HOMER1: variants seen among roughly 807,000 people sequenced by gnomAD.
The protein encoded by HOMER1 is homer scaffold protein 1.
A neutral mutation model predicts 48.9 loss-of-function variants in HOMER1; 3 were observed. That is an observed-to-expected ratio of 0.06 (90% CI 0.03 to 0.16). The LOEUF (loss-of-function observed/expected upper bound fraction) is 0.16, where lower values mean the gene tolerates loss of function less well. HOMER1 is among the 10% of genes least tolerant of loss of function. The pLI, the probability that HOMER1 is intolerant of heterozygous loss-of-function variation, is 1.00. For synonymous variants in HOMER1, 134 were observed against 146.4 expected, an observed-to-expected ratio of 0.92 and a Z score of 0.61; for missense variants, 247 against 411.4, an observed-to-expected ratio of 0.60 and a Z score of 3.46.
chr5:79,378,906 G>A (rs1321313790), intron 8 of HOMER1, among the ~76,000 whole-genome samples: 2 of 150,626 alleles, frequency 1.3e-5, no homozygotes, highest in Non-Finnish European at 2.9e-5. Flanking sequence ...CTGTTTGCAG[G>A]AATTTTACTA....
intron 8 of HOMER1, among the ~76,000 whole-genome samples, chr5:79,390,307 A>T (rs147779637): frequency 6.6e-6 from 1 of 152,146 alleles, no homozygotes; most frequent in African/African-American, 2.4e-5. Flanking sequence ...ACAAACAAAC[A>T]AACAAAAACC....
At chr5:79,393,286 A>T (rs1015058240) in intron 8 of HOMER1, among the ~76,000 whole-genome samples, 1 of 152,168 alleles carries the variant, frequency 6.6e-6, no homozygotes, top group Non-Finnish European at 1.5e-5. Context: ...TACTACAAAA[A>T]ATACCTGGGA....
intron 1 of HOMER1, among the ~76,000 whole-genome samples, chr5:79,485,363 C>A (rs1475147242): frequency 1.3e-5 from 2 of 152,068 alleles, no homozygotes; most frequent in African/African-American, 4.8e-5. Flanking sequence ...CTGAGTTCTC[C>A]TCCCACCCCA....
chr5:79,479,096 A>G lies in HOMER1; in HGVS notation c.6-22078T>C, dbSNP rs140486986. On this transcript the variant is annotated intron_variant, in intron 1 of 8. Coordinates refer to ENST00000334082, the MANE Select transcript of HOMER1 (RefSeq NM_004272.5). ...ACAACTAAATATTTGTGACACAGGC[A>G]CAGGAGGAAAAACAAACTTCACTGA... Among the ~76,000 whole-genome samples, 41 of 152,352 alleles carry G rather than the reference A, an allele frequency of 2.7e-4. No individual in the cohort carries two copies. The East Asian group carries it at 5.6e-3, about 21-fold the overall frequency.
chr5:79,417,741 G>A (rs1433151972), intron 5 of HOMER1, among the ~76,000 whole-genome samples: 2 of 152,158 alleles, frequency 1.3e-5, no homozygotes, highest in South Asian at 4.1e-4. Flanking sequence ...TTTAACTTTG[G>A]AGACAAAAAT....
At chr5:79,487,730 T>C (rs929290546) in intron 1 of HOMER1, among the ~76,000 whole-genome samples, 2 of 152,206 alleles carry the variant, frequency 1.3e-5, no homozygotes, top group South Asian at 4.1e-4. Flanking sequence ...AAAAAAGACA[T>C]TGATGAGGCA....
In HOMER1 at chr5:79,375,597, C is replaced by T. The variant is rs1748750434; in HGVS notation, c.*412G>A. 1 of 152,756 alleles carries T rather than the reference C, an allele frequency of 6.5e-6. No individual in the cohort carries two copies. The highest frequency in any genetic ancestry group is 2.4e-5 in the African/African-American group (1 of 41,468). The allele number at this position is 152,756 out of a possible 1,614,324, so 9.5% of individuals were successfully genotyped here. ...TTCATCACTAAGTTTTTGCACAAAA[C>T]ACAGCTCTAGATATCGTAAATAAAT... On this transcript the variant is annotated 3_prime_UTR_variant, in exon 9 of 9. Transcript: ENST00000334082.
intron 1 of HOMER1, among the ~76,000 whole-genome samples, chr5:79,491,597 T>C (rs1204855257): frequency 6.6e-6 from 1 of 152,108 alleles, no homozygotes; most frequent in East Asian, 1.9e-4. Flanking sequence ...ACTGGCAATA[T>C]ACATTTGGGG....
chr5:79,497,957 G>A (rs1752473610), intron 1 of HOMER1, among the ~76,000 whole-genome samples: 2 of 152,114 alleles, frequency 1.3e-5, no homozygotes, highest in African/African-American at 4.8e-5. Context: ...AAACTCTGGT[G>A]GTAAAGGAAG....
At chr5:79,444,396 T>C (rs1750820467) in intron 4 of HOMER1, among the ~76,000 whole-genome samples, 1 of 152,214 alleles carries the variant, frequency 6.6e-6, no homozygotes, top group South Asian at 2.1e-4. Flanking sequence ...TGATTCTCTC[T>C]GGCTTCTGTA....
At chr5:79,470,780 T>G (rs1479625435) in intron 1 of HOMER1, among the ~76,000 whole-genome samples, 1 of 152,176 alleles carries the variant, frequency 6.6e-6, no homozygotes, top group African/African-American at 2.4e-5. Flanking sequence ...GAAAAACACC[T>G]TAGCAATGCA....
At chr5:79,510,605 C>T (rs1752914426) in intron 1 of HOMER1, 3 of 833,036 alleles carry the variant, frequency 3.6e-6, no homozygotes, top group Non-Finnish European at 6.1e-6. Context: ...AAAGAAGATG[C>T]AGGCTAACAG....
chr5:79,412,471 C>T (rs1224210398), intron 5 of HOMER1, among the ~76,000 whole-genome samples: 1 of 152,208 alleles, frequency 6.6e-6, no homozygotes, highest in Non-Finnish European at 1.5e-5. Flanking sequence ...AGTCTACACA[C>T]TTTGAGAACT....
intron 5 of HOMER1, among the ~76,000 whole-genome samples, chr5:79,421,843 G>T (rs919324652): frequency 2.0e-5 from 3 of 152,008 alleles, no homozygotes; most frequent in African/African-American, 7.2e-5. Flanking sequence ...CCTGACCTCA[G>T]GTGATCAGCC....
In HOMER1 at chr5:79,432,162, G is replaced by A. The variant is rs181459892; in HGVS notation, c.527+6848C>T. ...ATCTTGGCCCTAACTATTTGGGTAA[G>A]AGGAAAGATGGCCAAATCCAAAGGA... On this transcript the variant is annotated intron_variant, in intron 5 of 8. Transcript: ENST00000334082. Among the ~76,000 whole-genome samples, 360 of 152,336 alleles carry A rather than the reference G, an allele frequency of 2.4e-3. 1 individual carries two copies. Among genetic ancestry groups the A allele is most frequent in the African/African-American group, 8.3e-3 (344 of 41,580 alleles).
chr5:79,462,062 G>A (rs770996823), intron 1 of HOMER1, among the ~76,000 whole-genome samples: 7 of 152,118 alleles, frequency 4.6e-5, no homozygotes, highest in East Asian at 1.9e-4. Flanking sequence ...AGCCAGGCAC[G>A]GTGTCGCATG....
intron 1 of HOMER1, among the ~76,000 whole-genome samples, chr5:79,466,545 G>A (rs907773793): frequency 6.6e-6 from 1 of 151,636 alleles, no homozygotes; most frequent in Non-Finnish European, 1.5e-5. Context: ...AATTAGAATT[G>A]ATATGGCACA....
At chr5:79,473,356 G>T (rs1271296786) in intron 1 of HOMER1, among the ~76,000 whole-genome samples, 2 of 151,980 alleles carry the variant, frequency 1.3e-5, no homozygotes, top group African/African-American at 4.8e-5. Flanking sequence ...CTCATTTATC[G>T]TTAGTGTATT....
chr5:79,500,963 GACACACAC>G lies in HOMER1; in HGVS notation c.5+11799_5+11806del, dbSNP rs140189642. On this transcript the variant is annotated intron_variant, in intron 1 of 8. Transcript: ENST00000334082. Reference sequence around the variant, plus strand: ...TGTGTGTGTGTGTGTGAGACAGACAGACACACACACACACACACACACACACACACAAG... The same window carrying G: ...TGTGTGTGTGTGTGTGAGACAGACAGACACACACACACACACACACACAAG... Among the ~76,000 whole-genome samples the G allele has an allele frequency of 2.4e-4, 24 of 101,684 alleles. No homozygotes were observed. The South Asian group carries it at 2.9e-3, about 12-fold the overall frequency. The allele number at this position is 101,684 out of a possible 152,430, so 66.7% of individuals were successfully genotyped here.
Sources: gnomAD v4.1 joint callset for allele counts (sites outside exome capture counted in the v4.1 genomes callset) on GRCh38, gnomAD v4.1.1 for gene constraint, MANE v1.5 for transcripts, NCBI Gene and HGNC (gene_info 2026-07-23, HGNC 2026-07-21) for gene names.